NRXN3: variants seen among roughly 807,000 people sequenced by gnomAD.
NRXN3 encodes the protein neurexin 3.
In NRXN3, 32 loss-of-function variants were observed where a neutral mutation model predicts 137.6. The ratio of observed to expected loss-of-function variants is 0.23; its 90% CI spans 0.18 to 0.31. The LOEUF is 0.31. Ranked by LOEUF, NRXN3 falls within the 10% of genes least tolerant of loss-of-function variation. The pLI is 1.00. For synonymous variants in NRXN3, 798 were observed against 784.5 expected, an observed-to-expected ratio of 1.02 and a Z score of -0.29; for missense variants, 1,574 against 2,062.5, an observed-to-expected ratio of 0.76 and a Z score of 4.59.
chr14:79,502,148 T>C (rs538718130), intron 16 of NRXN3, among the ~76,000 whole-genome samples: 58 of 152,288 alleles, frequency 3.8e-4, no homozygotes, highest in South Asian at 2.1e-3. Flanking sequence ...TCACAAAGAA[T>C]TGGCACTTTG....
intron 4 of NRXN3, among the ~76,000 whole-genome samples, chr14:78,605,127 C>A (rs982668686): frequency 6.6e-6 from 1 of 152,170 alleles, no homozygotes; most frequent in African/African-American, 2.4e-5. Context: ...CTCATCTCCA[C>A]CCCACAAGTT....
chr14:78,934,235 T>G (rs2099329475), intron 10 of NRXN3, among the ~76,000 whole-genome samples: 1 of 151,422 alleles, frequency 6.6e-6, no homozygotes, highest in Admixed American at 6.6e-5. Context: ...CTGCTAAATG[T>G]ATCATCTCTC....
chr14:79,084,475 A>G (rs2047691328), intron 15 of NRXN3, among the ~76,000 whole-genome samples: 1 of 152,286 alleles, frequency 6.6e-6, no homozygotes, highest in South Asian at 2.1e-4. Context: ...ATTAAAGCCT[A>G]ATAAATAATA....
chr14:79,569,074 A>G (rs1160235302), intron 16 of NRXN3, among the ~76,000 whole-genome samples: 1 of 152,138 alleles, frequency 6.6e-6, no homozygotes, highest in Non-Finnish European at 1.5e-5. Flanking sequence ...TTAAGATGTC[A>G]GGCAAGATTT....
chr14:79,506,685 C>G (rs921517714), intron 16 of NRXN3, among the ~76,000 whole-genome samples: 1 of 151,964 alleles, frequency 6.6e-6, no homozygotes, highest in African/African-American at 2.4e-5. Flanking sequence ...TCTCCTTAGT[C>G]TTTCTGTTTG....
intron 11 of NRXN3, among the ~76,000 whole-genome samples, chr14:78,959,257 G>A (rs937142066): frequency 6.6e-6 from 1 of 151,956 alleles, no homozygotes; most frequent in Admixed American, 6.5e-5. Context: ...AAGCATATCA[G>A]CTCCTTTAAT....
chr14:78,368,407 T>C (rs1272691646), intron 4 of NRXN3, among the ~76,000 whole-genome samples: 1 of 152,160 alleles, frequency 6.6e-6, no homozygotes, highest in Non-Finnish European at 1.5e-5. Flanking sequence ...TTTTATAAAA[T>C]GGGATGTAAA....
At chr14:78,950,092 A>C (rs2099384169) in intron 10 of NRXN3, among the ~76,000 whole-genome samples, 1 of 152,218 alleles carries the variant, frequency 6.6e-6, no homozygotes. Flanking sequence ...AATTTGTATT[A>C]ATCATACCAT....
intron 4 of NRXN3, among the ~76,000 whole-genome samples, chr14:78,393,196 A>G (rs899574026): frequency 2.7e-5 from 4 of 149,590 alleles, no homozygotes; most frequent in Non-Finnish European, 5.9e-5. Flanking sequence ...TTTTTTTTTT[A>G]CTTTTTTTAA....
chr14:78,808,332 T>C (rs1006746238), intron 9 of NRXN3, among the ~76,000 whole-genome samples: 4 of 152,180 alleles, frequency 2.6e-5, no homozygotes, highest in Non-Finnish European at 4.4e-5. Context: ...GCTTCTTGTC[T>C]AATAATAAAA....
chr14:78,998,753 C>T lies in NRXN3; in HGVS notation c.3262+10612C>T, dbSNP rs938844742. On this transcript the variant is annotated intron_variant, in intron 15 of 20. Transcript: ENST00000335750. ...AACTGAGATTACAGGCACCAGCCAC[C>T]ATGCCCAGCTTTTTTTTTTTTTTTT... is the stretch of plus-strand genomic sequence containing the variant. Among the ~76,000 whole-genome samples, 7 of 150,256 alleles carry T rather than the reference C, an allele frequency of 4.7e-5. No individual in the cohort carries two copies. The East Asian group carries it at 1.4e-3, about 29-fold the overall frequency.
chr14:79,104,004 G>A (rs2202184), intron 15 of NRXN3, among the ~76,000 whole-genome samples: 95,689 of 151,714 alleles, frequency 0.63, 30,468 homozygotes, highest in East Asian at 0.81. Flanking sequence ...GTGTACACAT[G>A]TGCACATAAA....
intron 15 of NRXN3, among the ~76,000 whole-genome samples, chr14:79,013,446 C>T (rs902831827): frequency 6.6e-6 from 1 of 152,090 alleles, no homozygotes; most frequent in Middle Eastern, 3.2e-3. Flanking sequence ...AAACAATATC[C>T]CAGTAACAGC....
intron 2 of NRXN3, among the ~76,000 whole-genome samples, chr14:78,264,285 C>T (rs2071319360): frequency 6.6e-6 from 1 of 152,112 alleles, no homozygotes; most frequent in Non-Finnish European, 1.5e-5. Context: ...AACCCCTCTG[C>T]TGAGCTAACA....
intron 15 of NRXN3, among the ~76,000 whole-genome samples, chr14:79,293,667 C>CAG (rs1396757431): frequency 6.6e-6 from 1 of 152,226 alleles, no homozygotes; most frequent in Non-Finnish European, 1.5e-5. Flanking sequence ...ACAGAAGGAG[C>CAG]AGAGAGCAGC....
chr14:78,345,655 A>G (rs1021085546), intron 4 of NRXN3, among the ~76,000 whole-genome samples: 5 of 152,118 alleles, frequency 3.3e-5, no homozygotes, highest in African/African-American at 1.2e-4. Context: ...CGATGGATAT[A>G]GCAAACCAAT....
At chr14:79,556,158 G>T (rs59093010) in intron 16 of NRXN3, among the ~76,000 whole-genome samples, 1 of 151,914 alleles carries the variant, frequency 6.6e-6, no homozygotes, top group Non-Finnish European at 1.5e-5. Flanking sequence ...TCATTAGGAG[G>T]GTGGGCCATT....
intron 4 of NRXN3, among the ~76,000 whole-genome samples, chr14:78,357,457 A>T (rs1187751875): frequency 6.6e-6 from 1 of 152,304 alleles, no homozygotes; most frequent in African/African-American, 2.4e-5. Context: ...GAGCCATATC[A>T]TATCAAGGGA....
At chr14:79,484,280 C>G (rs1212217416) in intron 16 of NRXN3, among the ~76,000 whole-genome samples, 1 of 152,178 alleles carries the variant, frequency 6.6e-6, no homozygotes, top group African/African-American at 2.4e-5. Flanking sequence ...AGTTAACTCA[C>G]TTCATCTACT....
Sources: allele counts gnomAD v4.1 joint callset (sites outside exome capture counted in the v4.1 genomes callset), GRCh38; gene constraint gnomAD v4.1.1; transcripts MANE v1.5; gene names NCBI Gene and HGNC (gene_info 2026-07-23, HGNC 2026-07-21).